SEC14L2: variants seen among roughly 807,000 people sequenced by gnomAD.
SEC14L2 encodes SEC14 like lipid binding 2.
A neutral mutation model predicts 56.9 loss-of-function variants in SEC14L2; 50 were observed. That is an observed-to-expected ratio of 0.88 (90% CI 0.70 to 1.11). The LOEUF (loss-of-function observed/expected upper bound fraction) is 1.11, where lower values mean the gene tolerates loss of function less well. Ranked by LOEUF, SEC14L2 falls within the 50% of genes most tolerant of loss-of-function variation. The pLI, the probability that SEC14L2 is intolerant of heterozygous loss-of-function variation, is 0.00. For missense variants in SEC14L2, 414 were observed against 500.7 expected (o/e 0.83, Z 1.65); for synonymous variants, 179 against 188.5 (o/e 0.95, Z 0.41).
At position 30,424,567 on chromosome 22, in the gene SEC14L2, T is replaced by A; in HGVS notation, c.*2160T>A. On this transcript the variant is annotated 3_prime_UTR_variant, in exon 12 of 12. Transcript: ENST00000615189. ...AAACCCTGTGCTTACTATTACACTT[T>A]GGGTTGTTGCAAAGATTAAAGGAAA... 1 of 377,816 alleles carries A rather than the reference T, an allele frequency of 2.6e-6. No homozygotes were observed. 23.4% of individuals were successfully genotyped at this position (377,816 alleles called of 1,614,324 possible). A position where few individuals can be genotyped will look rare whatever the true frequency, so the allele number is the denominator to read the frequency against.
intron 8 of SEC14L2, among the ~76,000 whole-genome samples, chr22:30,413,731 G>C (rs551464262): frequency 6.6e-6 from 1 of 152,130 alleles, no homozygotes; most frequent in South Asian, 2.1e-4. Flanking sequence ...GGGGAGTGAA[G>C]TGAACTCATC....
At chr22:30,416,783 A>C in intron 11 of SEC14L2, 14 of 1,227,790 alleles carry the variant, frequency 1.1e-5, no homozygotes, top group Non-Finnish European at 1.4e-5. Flanking sequence ...GCATGGGATC[A>C]CAAGGTAAGC....
intron 11 of SEC14L2, among the ~76,000 whole-genome samples, chr22:30,419,957 CTTTTT>C (rs762892426): frequency 7.3e-6 from 1 of 137,146 alleles, no homozygotes; most frequent in Non-Finnish European, 1.6e-5. Flanking sequence ...CTTTTCTTTT[CTTTTT>C]TTTTTTTTGA....
At chr22:30,405,054 G>A (rs2146016709) in intron 2 of SEC14L2, among the ~76,000 whole-genome samples, 1 of 150,366 alleles carries the variant, frequency 6.7e-6, no homozygotes, top group African/African-American at 2.4e-5. Flanking sequence ...TGGATGACAA[G>A]AGCGAAATTG....
chr22:30,417,364 C>T (rs1484151344), intron 11 of SEC14L2, among the ~76,000 whole-genome samples: 1 of 152,196 alleles, frequency 6.6e-6, no homozygotes, highest in African/African-American at 2.4e-5. Context: ...ATTAATATTA[C>T]ATTTATAAGC....
At chr22:30,414,725 G>C (rs1934341186) in intron 8 of SEC14L2, among the ~76,000 whole-genome samples, 1 of 151,080 alleles carries the variant, frequency 6.6e-6, no homozygotes, top group Non-Finnish European at 1.5e-5. Context: ...GGCTGTGCTA[G>C]AGTCAAACTC....
At chr22:30,415,012 G>T (rs145708935) in intron 8 of SEC14L2, among the ~76,000 whole-genome samples, 2 of 152,182 alleles carry the variant, frequency 1.3e-5, no homozygotes, top group African/African-American at 4.8e-5. Flanking sequence ...CCCGCCACAC[G>T]TGCTGTTTCC....
Position 30,422,799 on chromosome 22 carries a change from C to T in SEC14L2, c.*392C>T. On this transcript the variant is annotated 3_prime_UTR_variant, in exon 12 of 12. Coordinates refer to ENST00000615189, the MANE Select transcript of SEC14L2 (RefSeq NM_012429.5). ...GTCAGCTGCCGGGGAGAAACTTGCT[C>T]CTAAATGAACACATAAGTTTAGATC... 1 of 169,514 alleles carries T rather than the reference C, an allele frequency of 5.9e-6. No individual in the cohort carries two copies. The highest frequency in any genetic ancestry group is 1.3e-5 in the Non-Finnish European group (1 of 78,222). 10.5% of individuals were successfully genotyped at this position (169,514 alleles called of 1,614,324 possible).
intron 5 of SEC14L2, 81 bp downstream of exon 5, chr22:30,407,684 T>C: frequency 3.1e-6 from 4 of 1,305,860 alleles, no homozygotes; most frequent in East Asian, 2.4e-5. Context: ...CACAGGAATA[T>C]AAGCACAGCT....
rs970968452 is a variant in SEC14L2, at chr22:30,424,627, G to A, written c.*2220G>A. The A allele has an allele frequency of 4.5e-6, 2 of 448,482 alleles. No homozygotes were observed. Among genetic ancestry groups the A allele is most frequent in the African/African-American group, 4.0e-5 (2 of 49,860 alleles). 27.8% of individuals were successfully genotyped at this position (448,482 alleles called of 1,614,324 possible). A position where few individuals can be genotyped will look rare whatever the true frequency, so the allele number is the denominator to read the frequency against. On this transcript the variant is annotated 3_prime_UTR_variant, in exon 12 of 12. Coordinates refer to ENST00000615189, the MANE Select transcript of SEC14L2 (RefSeq NM_012429.5). ...CAAAGCGCTTAAGAGCTTGGTATAA[G>A]TAAGTGCTCGTCAATGTTGGCTACT...
chr22:30,414,866 G>A lies in SEC14L2; in HGVS notation c.665-893G>A, dbSNP rs571425860. On this transcript the variant is annotated intron_variant, in intron 8 of 11. Coordinates refer to ENST00000615189, the MANE Select transcript of SEC14L2 (RefSeq NM_012429.5). Reference sequence around the variant, plus strand: ...GGGGTAAAGCCAAGAATCCATTTAAGGGGTGACTCTACAGAGATGCATTTA... The same window carrying A: ...GGGGTAAAGCCAAGAATCCATTTAAAGGGTGACTCTACAGAGATGCATTTA... Among the ~76,000 whole-genome samples, 23 of 152,250 alleles carry A rather than the reference G, an allele frequency of 1.5e-4. No homozygotes were observed. The South Asian group carries it at 4.1e-3, about 27-fold the overall frequency.
intron 8 of SEC14L2, among the ~76,000 whole-genome samples, chr22:30,414,149 G>T: frequency 6.6e-6 from 1 of 152,140 alleles, no homozygotes; most frequent in African/African-American, 2.4e-5. Context: ...GCTTTTTGTT[G>T]CCTCAGTTAT....
intron 2 of SEC14L2, among the ~76,000 whole-genome samples, chr22:30,404,373 G>A (rs1203633564): frequency 1.3e-5 from 2 of 152,194 alleles, no homozygotes; most frequent in African/African-American, 4.8e-5. Context: ...GGGAGCCTAT[G>A]GGCCCAGGAG....
In SEC14L2 at chr22:30,422,733, T is replaced by A. The variant is rs935395838; in HGVS notation, c.*326T>A. On this transcript the variant is annotated 3_prime_UTR_variant, in exon 12 of 12. Transcript: ENST00000615189. Reference sequence around the variant, plus strand: ...CACAGGGTGGCAGCAGGGAAAAAAATTAGAAAAGGGTGAAAGATTGGGACT... The same window carrying A: ...CACAGGGTGGCAGCAGGGAAAAAAAATAGAAAAGGGTGAAAGATTGGGACT... 1 of 229,164 alleles carries A rather than the reference T, an allele frequency of 4.4e-6. No homozygotes were observed. The highest frequency in any genetic ancestry group is 8.6e-6 in the Non-Finnish European group (1 of 115,970). The allele number at this position is 229,164 out of a possible 1,614,324, so 14.2% of individuals were successfully genotyped here.
intron 1 of SEC14L2, among the ~76,000 whole-genome samples, chr22:30,399,280 G>A (rs900576913): frequency 1.3e-5 from 2 of 152,086 alleles, no homozygotes; most frequent in African/African-American, 2.4e-5. Flanking sequence ...ACTTTAGACC[G>A]AGATGGGCGG....
At chr22:30,405,641 C>T (rs1934071965) in intron 2 of SEC14L2, among the ~76,000 whole-genome samples, 5 of 152,144 alleles carry the variant, frequency 3.3e-5, no homozygotes, top group Admixed American at 3.3e-4. Context: ...GTTCTGCCAG[C>T]TCTGCCACAG....
At chr22:30,404,009 C>CAAAAAAAAAAAAAAAAAAAAAAAAA (rs67366822) in intron 2 of SEC14L2, among the ~76,000 whole-genome samples, 4 of 93,218 alleles carry the variant, frequency 4.3e-5, no homozygotes, top group African/African-American at 7.6e-5. Flanking sequence ...GACTCCGTCT[C>CAAAAAAAAAAAAAAAAAAAAAAAAA]AAAAAAAAAA....
intron 11 of SEC14L2, among the ~76,000 whole-genome samples, chr22:30,418,372 G>A (rs1355472522): frequency 2.6e-5 from 4 of 152,168 alleles, no homozygotes; most frequent in African/African-American, 4.8e-5. Flanking sequence ...GGATGTGTCA[G>A]AGAGTGTGGA....
At chr22:30,417,608 T>G (rs982354718) in intron 11 of SEC14L2, among the ~76,000 whole-genome samples, 6 of 152,246 alleles carry the variant, frequency 3.9e-5, no homozygotes, top group African/African-American at 1.4e-4. Flanking sequence ...TGATAGGTTC[T>G]GTGAGGCACT....
Sources: allele counts gnomAD v4.1 joint callset (sites outside exome capture counted in the v4.1 genomes callset), GRCh38; gene constraint gnomAD v4.1.1; transcripts MANE v1.5; gene names NCBI Gene and HGNC (gene_info 2026-07-23, HGNC 2026-07-21).